The following CNBD1 variants were observed in gnomAD, a reference collection of about 807,000 sequenced individuals.
CNBD1 encodes cyclic nucleotide-binding domain-containing protein 1.
CNBD1 carries 71 observed loss-of-function variants against 54.4 expected under a neutral mutation model. The ratio of observed to expected loss-of-function variants is 1.30; its 90% CI spans 1.08 to 1.59. The LOEUF (loss-of-function observed/expected upper bound fraction) is 1.59. Ranked by LOEUF, CNBD1 falls within the 40% of genes most tolerant of loss-of-function variation. The pLI is 0.00. For missense variants in CNBD1, 659 were observed against 518.0 expected (o/e 1.27, Z -2.64); for synonymous variants, 182 against 170.7 (o/e 1.07, Z -0.51).
intron 4 of CNBD1, among the ~76,000 whole-genome samples, chr8:87,171,688 G>C (rs376147603): frequency 6.6e-6 from 1 of 151,396 alleles, no homozygotes; most frequent in African/African-American, 2.4e-5. Flanking sequence ...TCCCAGGCTG[G>C]AGTGCAGTGA....
At chr8:87,002,599 T>C (rs898664386) in intron 4 of CNBD1, among the ~76,000 whole-genome samples, 3 of 152,040 alleles carry the variant, frequency 2.0e-5, no homozygotes, top group Non-Finnish European at 4.4e-5. Flanking sequence ...TTTTTTTTTT[T>C]TTCAAATATC....
intron 2 of CNBD1, among the ~76,000 whole-genome samples, chr8:87,428,346 C>T (rs995743689): frequency 6.6e-6 from 1 of 151,970 alleles, no homozygotes; most frequent in Non-Finnish European, 1.5e-5. Context: ...GTAAATTAGG[C>T]TAAATTACTG....
At chr8:87,044,537 C>T (rs1318055781) in intron 4 of CNBD1, 3 of 152,136 alleles carry the variant, frequency 2.0e-5, no homozygotes, top group Non-Finnish European at 4.4e-5. Flanking sequence ...GACAAGTTGA[C>T]ATTTTACAGT....
At chr8:87,382,002 G>A (rs1446382551) in intron 10 of CNBD1, among the ~76,000 whole-genome samples, 2 of 151,650 alleles carry the variant, frequency 1.3e-5, no homozygotes, top group African/African-American at 2.4e-5. Flanking sequence ...CATGTTAAGT[G>A]TTCTTACCAT....
At chr8:86,964,006 G>A (rs1186305420) in intron 4 of CNBD1, among the ~76,000 whole-genome samples, 1 of 152,130 alleles carries the variant, frequency 6.6e-6, no homozygotes, top group Non-Finnish European at 1.5e-5. Flanking sequence ...GGTTATTAGA[G>A]CCTCTGTCTT....
chr8:87,245,819 A>G (rs1807791400), intron 6 of CNBD1, among the ~76,000 whole-genome samples: 1 of 152,060 alleles, frequency 6.6e-6, no homozygotes, highest in South Asian at 2.1e-4. Context: ...TTTTAAATAT[A>G]TTGTTGATAT....
chr8:87,073,989 T>C (rs1053988840), intron 4 of CNBD1, among the ~76,000 whole-genome samples: 5 of 151,282 alleles, frequency 3.3e-5, no homozygotes, highest in Non-Finnish European at 7.4e-5. Context: ...TAGTCCCAGC[T>C]ACTCGGGAGG....
At chr8:87,258,278 A>T (rs1808060110) in intron 6 of CNBD1, among the ~76,000 whole-genome samples, 1 of 151,842 alleles carries the variant, frequency 6.6e-6, no homozygotes, top group Admixed American at 6.6e-5. Flanking sequence ...CAAAATGATG[A>T]CTCAAAAATT....
intron 4 of CNBD1, among the ~76,000 whole-genome samples, chr8:87,063,162 A>G (rs1247260688): frequency 6.6e-6 from 1 of 152,180 alleles, no homozygotes; most frequent in Non-Finnish European, 1.5e-5. Flanking sequence ...AAGCAACCCT[A>G]TCATATGATG....
chr8:87,272,778 G>A (rs986315099), intron 6 of CNBD1, among the ~76,000 whole-genome samples: 3 of 151,922 alleles, frequency 2.0e-5, no homozygotes, highest in African/African-American at 7.2e-5. Context: ...TATAAAGTAT[G>A]CATTTAAATG....
At chr8:87,370,308 C>T (rs1411008042) in intron 10 of CNBD1, among the ~76,000 whole-genome samples, 1 of 152,294 alleles carries the variant, frequency 6.6e-6, no homozygotes, top group South Asian at 2.1e-4. Flanking sequence ...GCCACACTGA[C>T]TTCCATAATG....
intron 4 of CNBD1, among the ~76,000 whole-genome samples, chr8:87,055,990 C>T (rs1810410267): frequency 1.3e-5 from 2 of 150,756 alleles, no homozygotes; most frequent in Admixed American, 1.3e-4. Context: ...ATGAGAACAA[C>T]TATAGGTAAT....
chr8:87,101,888 ATTT>A (rs373181788), intron 4 of CNBD1, among the ~76,000 whole-genome samples: 6 of 137,394 alleles, frequency 4.4e-5, no homozygotes, highest in Admixed American at 7.4e-5. Flanking sequence ...AGTAGATTTA[ATTT>A]TTTTTTTTTT....
At chr8:87,022,012 G>T (rs1307770252) in intron 4 of CNBD1, among the ~76,000 whole-genome samples, 1 of 152,132 alleles carries the variant, frequency 6.6e-6, no homozygotes, top group African/African-American at 2.4e-5. Context: ...CGAGGAATTT[G>T]TGCATGTAAA....
At chr8:87,073,577 G>A (rs1002722933) in intron 4 of CNBD1, among the ~76,000 whole-genome samples, 4 of 152,098 alleles carry the variant, frequency 2.6e-5, no homozygotes, top group African/African-American at 4.8e-5. Flanking sequence ...GCTGCTGTTT[G>A]CTGCTGTTTC....
chr8:87,115,270 C>T (rs1286081967), intron 4 of CNBD1, among the ~76,000 whole-genome samples: 1 of 152,178 alleles, frequency 6.6e-6, no homozygotes, highest in Admixed American at 6.5e-5. Flanking sequence ...GAGATACATG[C>T]AGTACTTATC....
chr8:87,376,851 C>T (rs550649683), intron 10 of CNBD1, among the ~76,000 whole-genome samples: 8 of 151,756 alleles, frequency 5.3e-5, no homozygotes, highest in Non-Finnish European at 1.5e-5. Context: ...AATCCCATCT[C>T]TTACTCAAGC....
intron 4 of CNBD1, among the ~76,000 whole-genome samples, chr8:86,951,673 T>C (rs1807629507): frequency 6.6e-6 from 1 of 150,862 alleles, no homozygotes; most frequent in Non-Finnish European, 1.5e-5. Flanking sequence ...TTTTTAATTT[T>C]ATAGAACAAC....
chr8:87,279,817 A>T (rs1314482253), intron 6 of CNBD1, among the ~76,000 whole-genome samples: 1 of 151,320 alleles, frequency 6.6e-6, no homozygotes, highest in Non-Finnish European at 1.5e-5. Context: ...CAGAAAGGCA[A>T]GGATTGAAAA....
Sources: gnomAD v4.1 joint callset for allele counts (sites outside exome capture counted in the v4.1 genomes callset) on GRCh38, gnomAD v4.1.1 for gene constraint, MANE v1.5 for transcripts, NCBI Gene and HGNC (gene_info 2026-07-23, HGNC 2026-07-21) for gene names.